GPR176: variants seen among roughly 807,000 people sequenced by gnomAD.
GPR176 encodes the protein G protein-coupled receptor 176.
Under a neutral mutation model 35.4 loss-of-function variants are expected in GPR176, and 26 were observed. The observed-to-expected ratio is 0.74, with a 90% CI of 0.54 to 1.02. The LOEUF is 1.02. Among genes scored for constraint, GPR176 ranks in the 50% least tolerant of loss-of-function variants. The pLI, the probability that GPR176 is intolerant of heterozygous loss-of-function variation, is 0.00. For synonymous variants in GPR176, 278 were observed against 271.3 expected, an observed-to-expected ratio of 1.02 and a Z score of -0.24; for missense variants, 597 against 665.3, an observed-to-expected ratio of 0.90 and a Z score of 1.13.
chr15:39,837,267 C>T (rs1340466109), intron 1 of GPR176, among the ~76,000 whole-genome samples: 1 of 152,144 alleles, frequency 6.6e-6, no homozygotes, highest in Non-Finnish European at 1.5e-5. Flanking sequence ...TTCCTTTGCA[C>T]AGTACTATAA....
chr15:39,914,591 T>G (rs1295936057), intron 1 of GPR176, among the ~76,000 whole-genome samples: 2 of 152,218 alleles, frequency 1.3e-5, no homozygotes, highest in Non-Finnish European at 2.9e-5. Context: ...ATTACAGGCA[T>G]GAGCCACCAC....
chr15:39,863,007 A>G (rs1387184809), intron 1 of GPR176, among the ~76,000 whole-genome samples: 2 of 151,390 alleles, frequency 1.3e-5, no homozygotes, highest in Admixed American at 6.6e-5. Context: ...GATATTGATG[A>G]TCTTGATTCT....
chr15:39,915,807 G>A (rs1405248622), intron 1 of GPR176, among the ~76,000 whole-genome samples: 3 of 152,182 alleles, frequency 2.0e-5, no homozygotes, highest in Non-Finnish European at 4.4e-5. Flanking sequence ...TTGAACCCAG[G>A]AGGCAGAGGT....
At chr15:39,813,184 A>C (rs1433076157) in intron 1 of GPR176, 1 of 152,192 alleles carries the variant, frequency 6.6e-6, no homozygotes, top group Non-Finnish European at 1.5e-5. Flanking sequence ...GTAGTCATTT[A>C]ACGTTTAGAG....
rs951777012 is a variant in GPR176 at position 39,920,231 on chromosome 15, C to A, written c.-205G>T. The stretch of plus-strand genomic sequence containing the variant: ...GAGGGAGGCGCGGCTGCGCCCCATG[C>A]CCACTCCCTCCTGGATCCCAGTCAG... On this transcript the variant is annotated 5_prime_UTR_variant, in exon 1 of 3. Transcript: ENST00000561100. 5.0e-6 allele frequency: 2 copies of A among 400,134 alleles called. No homozygotes were observed. The highest frequency in any genetic ancestry group is 8.8e-6 in the Non-Finnish European group (2 of 226,248). The allele number at this position is 400,134 out of a possible 1,614,324, so 24.8% of individuals were successfully genotyped here. A position where few individuals can be genotyped will look rare whatever the true frequency, so the allele number is the denominator to read the frequency against.
chr15:39,825,035 T>C (rs1900534836), intron 1 of GPR176, among the ~76,000 whole-genome samples: 1 of 151,968 alleles, frequency 6.6e-6, no homozygotes, highest in Non-Finnish European at 1.5e-5. Context: ...GGAGACCCTG[T>C]CCCTATAAAA....
chr15:39,846,370 G>A (rs1193547908), intron 1 of GPR176, among the ~76,000 whole-genome samples: 2 of 152,146 alleles, frequency 1.3e-5, no homozygotes, highest in Non-Finnish European at 2.9e-5. Flanking sequence ...AGAAAGGATG[G>A]TAACAGGCAT....
At chr15:39,811,123 G>A (rs1034388990) in intron 1 of GPR176, among the ~76,000 whole-genome samples, 6 of 152,044 alleles carry the variant, frequency 3.9e-5, no homozygotes, top group African/African-American at 1.4e-4. Flanking sequence ...GTTGGCTCTT[G>A]CTTTTTTTAA....
intron 1 of GPR176, among the ~76,000 whole-genome samples, chr15:39,837,733 C>T (rs574130256): frequency 6.6e-6 from 1 of 152,120 alleles, no homozygotes; most frequent in South Asian, 2.1e-4. Flanking sequence ...AGGTAAGGCC[C>T]TCATAAGATC....
intron 1 of GPR176, among the ~76,000 whole-genome samples, chr15:39,838,239 C>T (rs1223317948): frequency 6.6e-6 from 1 of 152,112 alleles, no homozygotes; most frequent in African/African-American, 2.4e-5. Flanking sequence ...TCTAAGTAAT[C>T]TGACCTTTTC....
intron 1 of GPR176, among the ~76,000 whole-genome samples, chr15:39,834,980 T>A (rs1214988491): frequency 2.0e-5 from 3 of 152,196 alleles, no homozygotes; most frequent in Non-Finnish European, 4.4e-5. Context: ...CCTCTTACCC[T>A]AATGTGACTA....
chr15:39,813,147 T>C (rs893297098), intron 1 of GPR176: 2 of 152,234 alleles, frequency 1.3e-5, no homozygotes, highest in African/African-American at 4.8e-5. Flanking sequence ...TGTAATTCAA[T>C]ATATATTGCT....
At chr15:39,812,727 T>C (rs1487860333) in intron 1 of GPR176, among the ~76,000 whole-genome samples, 1 of 143,438 alleles carries the variant, frequency 7.0e-6, no homozygotes, top group Non-Finnish European at 1.5e-5. Context: ...TATTCCTAAT[T>C]CCTCTCTTCT....
intron 1 of GPR176, among the ~76,000 whole-genome samples, chr15:39,886,436 C>A (rs958724300): frequency 1.1e-4 from 17 of 152,026 alleles, no homozygotes; most frequent in Admixed American, 2.0e-4. Context: ...TCCCCCACCC[C>A]CATCTTGATT....
intron 1 of GPR176, among the ~76,000 whole-genome samples, chr15:39,895,276 CCGTGGGGA>C: frequency 8.6e-5 from 1 of 11,590 alleles, no homozygotes; most frequent in Non-Finnish European, 1.9e-4. Flanking sequence ...GAGAGGGAGA[CCGTGGGGA>C]GAGGAAGAGG....
chr15:39,902,507 T>C (rs1262004341), intron 1 of GPR176, among the ~76,000 whole-genome samples: 3 of 152,218 alleles, frequency 2.0e-5, no homozygotes, highest in Non-Finnish European at 4.4e-5. Context: ...CTTCTGGTCA[T>C]TTGTAGATTC....
chr15:39,888,016 T>C (rs1249042718), intron 1 of GPR176, among the ~76,000 whole-genome samples: 1 of 152,206 alleles, frequency 6.6e-6, no homozygotes, highest in Non-Finnish European at 1.5e-5. Context: ...CTTAGCTTTA[T>C]CTACCAGGAG....
At chr15:39,825,871 T>C (rs1051471210) in intron 1 of GPR176, among the ~76,000 whole-genome samples, 5 of 152,166 alleles carry the variant, frequency 3.3e-5, no homozygotes, top group Non-Finnish European at 7.3e-5. Context: ...TGAGGCATCA[T>C]TTTTATGGCA....
At chr15:39,831,079 G>A (rs1285355529) in intron 1 of GPR176, among the ~76,000 whole-genome samples, 1 of 152,282 alleles carries the variant, frequency 6.6e-6, no homozygotes, top group Non-Finnish European at 1.5e-5. Flanking sequence ...CTTAAGGTTG[G>A]AACGGGGGAA....
Sources: allele counts gnomAD v4.1 joint callset (sites outside exome capture counted in the v4.1 genomes callset), GRCh38; gene constraint gnomAD v4.1.1; transcripts MANE v1.5; gene names NCBI Gene and HGNC (gene_info 2026-07-23, HGNC 2026-07-21).